Variants in CAPN3 observed in about 807,000 individuals in gnomAD.
CAPN3 encodes calpain-3.
CAPN3 carries 88 observed loss-of-function variants against 114.0 expected under a neutral mutation model. The ratio of observed to expected loss-of-function variants is 0.77; its 90% CI spans 0.65 to 0.92. The LOEUF (loss-of-function observed/expected upper bound fraction) is 0.92. Ranked by LOEUF, CAPN3 falls within the 40% of genes least tolerant of loss-of-function variation. The pLI is 0.00. For missense variants in CAPN3, 1,028 were observed against 1,069.0 expected, an observed-to-expected ratio of 0.96 and a Z score of 0.53; for synonymous variants, 386 against 382.9, an observed-to-expected ratio of 1.01 and a Z score of -0.09.
chr15:42,408,361 C>A lies in CAPN3; in HGVS notation c.1914+37C>A, dbSNP rs770176662. 3.0e-6 allele frequency: 4 copies of A among 1,323,514 alleles called. No homozygotes were observed. The East Asian group carries it at 9.2e-5, about 30-fold the overall frequency. 82.0% of individuals were successfully genotyped at this position (1,323,514 alleles called of 1,614,324 possible). A position where few individuals can be genotyped will look rare whatever the true frequency, so the allele number is the denominator to read the frequency against. On this transcript the variant is annotated intron_variant, in intron 16 of 23. Transcript: ENST00000397163. Reference sequence around the variant, plus strand: ...TGTGGCATGGGTGGGGTGGCCAGCACGCTACAGGGGCTTCCTATGCGCTTG... The same window carrying A: ...TGTGGCATGGGTGGGGTGGCCAGCAAGCTACAGGGGCTTCCTATGCGCTTG...
At chr15:42,366,960 A>G (rs1324486626) in intron 1 of CAPN3, among the ~76,000 whole-genome samples, 1 of 148,586 alleles carries the variant, frequency 6.7e-6, no homozygotes, top group Non-Finnish European at 1.5e-5. Flanking sequence ...TGGCCTCTCT[A>G]GTTGCTGGGA....
At chr15:42,384,861 G>A (rs146100019) in intron 2 of CAPN3, among the ~76,000 whole-genome samples, 124 of 152,208 alleles carry the variant, frequency 8.1e-4, no homozygotes, top group African/African-American at 2.9e-3. Flanking sequence ...TCACTGTATC[G>A]TCTTTCTTGG....
chr15:42,380,167 A>G (rs1323697891), intron 1 of CAPN3, among the ~76,000 whole-genome samples: 1 of 152,132 alleles, frequency 6.6e-6, no homozygotes, highest in Non-Finnish European at 1.5e-5. Context: ...ATCCACTTTC[A>G]CAGCCTTTGT....
intron 14 of CAPN3, chr15:42,404,819 C>T (rs2053973333): frequency 4.6e-6 from 5 of 1,076,292 alleles, no homozygotes; most frequent in Non-Finnish European, 5.7e-6. Context: ...CTCCAAGTGC[C>T]TTCTGAATGA....
At chr15:42,387,934 G>A (rs1477541560) in intron 4 of CAPN3, 48 bp downstream of exon 4, 1 of 1,613,182 alleles carries the variant, frequency 6.2e-7, no homozygotes, top group East Asian at 2.2e-5. Context: ...TGAGAAAGTG[G>A]GTTGCAAAAT....
intron 9 of CAPN3, among the ~76,000 whole-genome samples, chr15:42,397,789 G>A (rs369362134): frequency 3.9e-5 from 6 of 152,028 alleles, no homozygotes; most frequent in East Asian, 3.8e-4. Flanking sequence ...GGGCTCAAGC[G>A]GTCCTCCCAC....
In CAPN3 at chr15:42,389,681, T is replaced by C. The variant is rs28364421; in HGVS notation, c.802-272T>C. 9.1e-4 allele frequency among the ~76,000 whole-genome samples: 138 copies of C among 152,298 alleles called. 1 individual carries two copies. The East Asian group carries it at 0.017, about 19-fold the overall frequency. On this transcript the variant is annotated intron_variant, in intron 5 of 23. Transcript: ENST00000397163. ...GATATGATAATCTTAGTGGTTTCCA[T>C]TGGGGAGGATGGGGCTGAAGCTGAA...
At chr15:42,362,966 A>G (rs2052683377) in intron 1 of CAPN3, among the ~76,000 whole-genome samples, 1 of 152,194 alleles carries the variant, frequency 6.6e-6, no homozygotes, top group Non-Finnish European at 1.5e-5. Flanking sequence ...TTGGAAACCA[A>G]TCTGAATTTT....
chr15:42,404,767 G>A (rs1483673397), intron 14 of CAPN3: 2 of 1,124,606 alleles, frequency 1.8e-6, no homozygotes, highest in African/African-American at 1.6e-5. Flanking sequence ...TCTGGGCAGT[G>A]ACAGTCATGG....
chr15:42,382,791 G>A (rs567285655), intron 1 of CAPN3, among the ~76,000 whole-genome samples: 2 of 152,276 alleles, frequency 1.3e-5, no homozygotes, highest in South Asian at 4.1e-4. Flanking sequence ...CAGCCAAAAT[G>A]TTACATTTTA....
intron 1 of CAPN3, among the ~76,000 whole-genome samples, chr15:42,378,247 C>T (rs1016118741): frequency 6.6e-6 from 1 of 152,196 alleles, no homozygotes; most frequent in African/African-American, 2.4e-5. Flanking sequence ...GTTGCCCCCA[C>T]CCCGGGGGGA....
At chr15:42,404,152 G>A (rs1370036211) in intron 14 of CAPN3, 2 of 463,158 alleles carry the variant, frequency 4.3e-6, no homozygotes, top group South Asian at 3.1e-5. Flanking sequence ...GCTGGTGCCG[G>A]ACCTGGTGTT....
chr15:42,411,688 CGGGGG>C lies in CAPN3; in HGVS notation c.2440-49_2440-45del, dbSNP rs772598012. ...CTCTTGCCCCGTAAGATTCCTAGGG[CGGGGG>C]GGGGGGGGGTCACTCTTTTCTGATC... On this transcript the variant is annotated intron_variant, in intron 23 of 23. Coordinates refer to ENST00000397163, the MANE Select transcript of CAPN3 (RefSeq NM_000070.3). 3,492 of 455,140 alleles carry C rather than the reference CGGGGG, an allele frequency of 7.7e-3. 17 individuals carry two copies. Among genetic ancestry groups the C allele is most frequent in the Non-Finnish European group, 9.3e-3 (2,426 of 261,008 alleles). The allele number at this position is 455,140 out of a possible 1,614,324, so 28.2% of individuals were successfully genotyped here.
chr15:42,402,800 G>T lies in CAPN3; in HGVS notation c.1543G>T (p.Gly515Trp). The T allele has an allele frequency of 6.2e-7, 1 of 1,614,094 alleles. No individual in the cohort carries two copies. The highest frequency in any genetic ancestry group is 1.1e-5 in the South Asian group (1 of 91,074). ...GGCTCTCCCCATCTCTCAGATGCAC[G>T]GGAACAAGCAGCACCTGCAGAAGGA... ...AIYEVPKEMH[G>W]NKQHLQKDFF... The change falls in exon 13 of 24, where the codon GGG becomes TGG. Residue 515 changes from glycine (G) to tryptophan (W), a missense_variant. Transcript: ENST00000397163.
At chr15:42,387,680 G>A in intron 3 of CAPN3, 73 bp from the exon 4 acceptor site, 1 of 1,575,572 alleles carries the variant, frequency 6.3e-7, no homozygotes, top group Non-Finnish European at 8.7e-7. Flanking sequence ...AACCCCCTGA[G>A]GAATGTGGAG....
At chr15:42,406,316 C>T (rs1461769106) in intron 15 of CAPN3, among the ~76,000 whole-genome samples, 1 of 152,040 alleles carries the variant, frequency 6.6e-6, no homozygotes, top group Non-Finnish European at 1.5e-5. Context: ...AGTCTGGGTC[C>T]AGAGTCCGTG....
In CAPN3 at chr15:42,361,994, C is replaced by G. The variant is rs182106532; in HGVS notation, c.309+1880C>G. On this transcript the variant is annotated intron_variant, in intron 1 of 23. Coordinates refer to ENST00000397163, the MANE Select transcript of CAPN3 (RefSeq NM_000070.3). ...TCCTTCCTGTTCATCTTTGAGGCCC[C>G]CTCACCAAGCTCAGGCCAGTCCCAT... Among the ~76,000 whole-genome samples the G allele has an allele frequency of 1.2e-4, 18 of 152,342 alleles. No homozygotes were observed. The East Asian group carries it at 3.3e-3, about 28-fold the overall frequency.
intron 23 of CAPN3, 27 bp from the exon 24 acceptor site, chr15:42,411,720 A>G (rs1425542577): frequency 3.0e-5 from 34 of 1,147,272 alleles, no homozygotes; most frequent in Non-Finnish European, 3.9e-5. Context: ...TTTCTGATCT[A>G]CATTCTGATC....
In CAPN3 at chr15:42,405,939, C is replaced by G. The variant is rs768832864; in HGVS notation, c.1796C>G (p.Thr599Ser). Residue 599 changes from threonine (T) to serine (S), a missense_variant, in exon 15 of 24, where the codon ACC (threonine) becomes AGC (serine). Physicochemically the swap from Thr to Ser is moderately conservative, Grantham distance 58. Transcript: ENST00000397163. Reference sequence around the variant, plus strand: ...TTTCTTATGCAGAAAAAGAAAAAAACCAAGGTAGGTGTGTGGGTAGAGAGC... The same window carrying G: ...TTTCTTATGCAGAAAAAGAAAAAAAGCAAGGTAGGTGTGTGGGTAGAGAGC... ...SVDRPVKKKKTKPIIFVSDRA... is the reference protein window; with the variant it reads ...SVDRPVKKKKSKPIIFVSDRA... 2 of 1,611,982 alleles carry G rather than the reference C, an allele frequency of 1.2e-6. No individual in the cohort carries two copies. The highest frequency in any genetic ancestry group is 4.5e-5 in the East Asian group (2 of 44,850).
Sources: allele counts gnomAD v4.1 joint callset (sites outside exome capture counted in the v4.1 genomes callset), GRCh38; gene constraint gnomAD v4.1.1; transcripts MANE v1.5; gene names NCBI Gene and HGNC (gene_info 2026-07-23, HGNC 2026-07-21).